GLRB: variants seen among roughly 807,000 people sequenced by gnomAD.
GLRB encodes glycine receptor beta, also known as glycine receptor subunit beta.
A neutral mutation model predicts 54.2 loss-of-function variants in GLRB; 33 were observed. The ratio of observed to expected loss-of-function variants is 0.61; its 90% CI spans 0.46 to 0.81. The LOEUF (loss-of-function observed/expected upper bound fraction) is 0.81. Among genes scored for constraint, GLRB ranks in the 40% least tolerant of loss-of-function variants. GLRB has a pLI of 0.00. For missense variants in GLRB, 572 were observed against 584.6 expected, an observed-to-expected ratio of 0.98 and a Z score of 0.22; for synonymous variants, 209 against 208.2, an observed-to-expected ratio of 1.00 and a Z score of -0.03.
At chr4:157,114,904 G>C (rs1216048423) in intron 2 of GLRB, among the ~76,000 whole-genome samples, 1 of 151,650 alleles carries the variant, frequency 6.6e-6, no homozygotes, top group Non-Finnish European at 1.5e-5. Flanking sequence ...GAGAGTGCCC[G>C]TGGAGTTTCT....
rs867988806 is a variant in GLRB at position 157,157,199 on chromosome 4, G to A, written c.1197+4189G>A. Among the ~76,000 whole-genome samples the A allele has an allele frequency of 1.3e-5, 2 of 152,262 alleles. 1 individual carries two copies. Among genetic ancestry groups the A allele is most frequent in the Middle Eastern group, 6.8e-3 (2 of 294 alleles). On this transcript the variant is annotated intron_variant, in intron 9 of 9. Coordinates refer to ENST00000264428, the MANE Select transcript of GLRB (RefSeq NM_000824.5). ...AGGAGGAGCCTCTTGTTACTGCTGG[G>A]TGTAGGTTTAAGTCCATACTCCCTA... is the stretch of plus-strand genomic sequence containing the variant.
intron 2 of GLRB, among the ~76,000 whole-genome samples, chr4:157,084,896 G>T (rs1032132229): frequency 6.6e-6 from 1 of 152,046 alleles, no homozygotes; most frequent in African/African-American, 2.4e-5. Flanking sequence ...GGAAATATTC[G>T]AGACAAAGAC....
chr4:157,113,167 G>GATAT (rs1560949391), intron 2 of GLRB, among the ~76,000 whole-genome samples: 8 of 151,728 alleles, frequency 5.3e-5, no homozygotes, highest in African/African-American at 1.5e-4. Context: ...AGATATTTTC[G>GATAT]TTGGGCCAGG....
At chr4:157,078,361 A>T (rs1579176031) in intron 2 of GLRB, 4 of 295,460 alleles carry the variant, frequency 1.4e-5, no homozygotes, top group Middle Eastern at 3.5e-3. Flanking sequence ...TTCTTTTTTT[A>T]AATCATGCCA....
At chr4:157,114,324 G>C (rs1286292568) in intron 2 of GLRB, among the ~76,000 whole-genome samples, 1 of 149,524 alleles carries the variant, frequency 6.7e-6, no homozygotes, top group South Asian at 2.1e-4. Flanking sequence ...TGTCTTTCCT[G>C]GTCTCTCTCT....
At chr4:157,133,688 T>C (rs546253160) in intron 4 of GLRB, among the ~76,000 whole-genome samples, 35 of 152,118 alleles carry the variant, frequency 2.3e-4, no homozygotes, top group Non-Finnish European at 4.3e-4. Flanking sequence ...AATAAATGTT[T>C]TCTGAAAGTC....
intron 2 of GLRB, among the ~76,000 whole-genome samples, chr4:157,088,417 C>A (rs116822945): frequency 0.028 from 4,249 of 152,148 alleles, 180 homozygotes; most frequent in African/African-American, 0.096. Flanking sequence ...TTTCAGTGAT[C>A]TAGAATCTTG....
chr4:157,086,479 G>C (rs2126437032), intron 2 of GLRB, among the ~76,000 whole-genome samples: 1 of 152,244 alleles, frequency 6.6e-6, no homozygotes, highest in East Asian at 1.9e-4. Context: ...ATTTATGAGA[G>C]TTAGAATTAC....
chr4:157,076,246 G>C lies in GLRB; in HGVS notation c.-81G>C, dbSNP rs1370605958. On this transcript the variant is annotated 5_prime_UTR_variant, in exon 1 of 10. Transcript: ENST00000264428. ...ACCCTTAGCAGCCACTGCCACCTGG[G>C]CCCGGAGCCTCCACGATCTCGCCCG... 1 of 151,306 alleles carries C rather than the reference G, an allele frequency of 6.6e-6. No homozygotes were observed. Among genetic ancestry groups the C allele is most frequent in the African/African-American group, 2.4e-5 (1 of 41,358 alleles). 9.4% of individuals were successfully genotyped at this position (151,306 alleles called of 1,614,324 possible).
chr4:157,080,965 G>T (rs1734201099), intron 2 of GLRB, among the ~76,000 whole-genome samples: 1 of 152,104 alleles, frequency 6.6e-6, no homozygotes, highest in South Asian at 2.1e-4. Context: ...AAGGACTTGA[G>T]TTCCTTGATA....
intron 9 of GLRB, among the ~76,000 whole-genome samples, chr4:157,153,319 G>A (rs1298462887): frequency 6.6e-6 from 1 of 152,140 alleles, no homozygotes; most frequent in Non-Finnish European, 1.5e-5. Context: ...AGACCTTGCT[G>A]GATGGAGCAC....
intron 9 of GLRB, among the ~76,000 whole-genome samples, chr4:157,159,664 T>G (rs1360712088): frequency 6.6e-6 from 1 of 152,202 alleles, no homozygotes; most frequent in Non-Finnish European, 1.5e-5. Flanking sequence ...GAACCAGCCT[T>G]GCATCCCAGG....
At chr4:157,108,808 A>C (rs1735314724) in intron 2 of GLRB, among the ~76,000 whole-genome samples, 1 of 152,050 alleles carries the variant, frequency 6.6e-6, no homozygotes, top group African/African-American at 2.4e-5. Flanking sequence ...CTGCATGTTA[A>C]AGACACATCT....
At chr4:157,155,255 ATTAG>A (rs1173972774) in intron 9 of GLRB, among the ~76,000 whole-genome samples, 1 of 152,020 alleles carries the variant, frequency 6.6e-6, no homozygotes, top group Admixed American at 6.6e-5. Flanking sequence ...AAGCCTCCCA[ATTAG>A]TTAGGACCAC....
At chr4:157,092,839 T>C (rs898435663) in intron 2 of GLRB, among the ~76,000 whole-genome samples, 1 of 152,222 alleles carries the variant, frequency 6.6e-6, no homozygotes, top group African/African-American at 2.4e-5. Flanking sequence ...TGAAGCTAAC[T>C]CTTTAGTTGT....
At chr4:157,077,935 G>T in intron 1 of GLRB, 61 bp from the exon 2 acceptor site, 1 of 1,096,456 alleles carries the variant, frequency 9.1e-7, no homozygotes, top group Non-Finnish European at 1.4e-6. Context: ...TCTTTAAAGG[G>T]ACAGTCATAT....
intron 4 of GLRB, among the ~76,000 whole-genome samples, 166 bp downstream of exon 4, chr4:157,122,563 C>A (rs1735864963): frequency 6.6e-6 from 1 of 151,570 alleles, no homozygotes; most frequent in South Asian, 2.1e-4. Flanking sequence ...TTCAGTTACC[C>A]ACATAATTTT....
At chr4:157,143,076 C>T (rs892573250) in intron 7 of GLRB, among the ~76,000 whole-genome samples, 3 of 152,030 alleles carry the variant, frequency 2.0e-5, no homozygotes, top group Non-Finnish European at 4.4e-5. Flanking sequence ...GATGTCATGG[C>T]CACTCTAGAA....
Position 157,110,204 on chromosome 4 carries a change from A to G in GLRB, c.123-10352A>G, listed in dbSNP as rs896029752. Reference sequence around the variant, plus strand: ...CAGTCATCTTATTAGCATACAGAAGACATTCATCACTCCAGAGTGTTTACA... The same window carrying G: ...CAGTCATCTTATTAGCATACAGAAGGCATTCATCACTCCAGAGTGTTTACA... On this transcript the variant is annotated intron_variant, in intron 2 of 9. Transcript: ENST00000264428. Among the ~76,000 whole-genome samples, 19 of 151,994 alleles carry G rather than the reference A, an allele frequency of 1.3e-4. No individual in the cohort carries two copies. The East Asian group carries it at 1.4e-3, about 11-fold the overall frequency.
Sources: allele counts gnomAD v4.1 joint callset (sites outside exome capture counted in the v4.1 genomes callset), GRCh38; gene constraint gnomAD v4.1.1; transcripts MANE v1.5; gene names NCBI Gene and HGNC (gene_info 2026-07-23, HGNC 2026-07-21).